Variants in KIAA1217 observed in about 807,000 individuals in gnomAD.
The protein encoded by KIAA1217 is sickle tail protein homolog.
Under a neutral mutation model 163.9 loss-of-function variants are expected in KIAA1217, and 88 were observed. The observed-to-expected ratio is 0.54, with a 90% CI of 0.45 to 0.64. The LOEUF is 0.64. Ranked by LOEUF, KIAA1217 falls within the 30% of genes least tolerant of loss-of-function variation. The pLI, the probability that KIAA1217 is intolerant of heterozygous loss-of-function variation, is 0.00. For missense variants in KIAA1217, 2,372 were observed against 2,475.0 expected (o/e 0.96, Z 0.88); for synonymous variants, 903 against 923.1 (o/e 0.98, Z 0.39).
rs946754539 is a variant in KIAA1217 at position 24,273,783 on chromosome 10, A to G, written c.354+53874A>G. 1.4e-4 allele frequency among the ~76,000 whole-genome samples: 21 copies of G among 150,442 alleles called. 1 individual carries two copies. Among genetic ancestry groups the G allele is most frequent in the Admixed American group, 1.1e-3 (16 of 14,948 alleles). On this transcript the variant is annotated intron_variant, in intron 2 of 20. Coordinates refer to ENST00000376454, the MANE Select transcript of KIAA1217 (RefSeq NM_019590.5). ...CTGGAGAATCGCCTGAGCACACGAG[A>G]TGGAGGTTGCAGTGAGCCGAGATCG...
intron 2 of KIAA1217, among the ~76,000 whole-genome samples, chr10:24,103,081 T>C (rs962172956): frequency 1.3e-5 from 2 of 152,194 alleles, no homozygotes; most frequent in East Asian, 3.9e-4. Flanking sequence ...GAACTGTGAA[T>C]CAATGAAGCC....
intron 2 of KIAA1217, among the ~76,000 whole-genome samples, chr10:24,247,318 T>C (rs1005343873): frequency 6.6e-6 from 1 of 151,720 alleles, no homozygotes; most frequent in African/African-American, 2.4e-5. Flanking sequence ...AGAGGCGGGG[T>C]CTCACTGTGT....
chr10:24,137,999 G>C (rs2063898559), intron 2 of KIAA1217, among the ~76,000 whole-genome samples: 1 of 152,008 alleles, frequency 6.6e-6, no homozygotes, highest in African/African-American at 2.4e-5. Context: ...TTTTAATGTA[G>C]ATTTGAAAAA....
intron 1 of KIAA1217, among the ~76,000 whole-genome samples, chr10:23,960,347 C>A (rs1411826396): frequency 1.3e-5 from 2 of 148,498 alleles, no homozygotes; most frequent in Admixed American, 6.7e-5. Flanking sequence ...CAACCTCTGC[C>A]TCCCAGTTCC....
At chr10:24,149,916 A>G (rs1662972028) in intron 2 of KIAA1217, among the ~76,000 whole-genome samples, 2 of 152,250 alleles carry the variant, frequency 1.3e-5, no homozygotes, top group Admixed American at 1.3e-4. Context: ...AAGGAGCAAT[A>G]AGAACCAGAA....
In KIAA1217 at chr10:24,473,610, A is replaced by G; in HGVS notation, c.1229A>G (p.His410Arg). 6.2e-7 allele frequency: 1 copy of G among 1,614,130 alleles called. No homozygotes were observed. The highest frequency in any genetic ancestry group is 8.5e-7 in the Non-Finnish European group (1 of 1,180,028). The change falls in exon 6 of 21, where the codon CAT (histidine) becomes CGT (arginine). Residue 410 changes from histidine to arginine, a missense_variant. By Grantham distance (29) the His-to-Arg change is conservative. This residue lies in a region of KIAA1217 where 1,431 missense variants were observed against 1,470.3 expected (regional missense o/e 0.97). Transcript: ENST00000376454. Reference sequence around the variant, plus strand: ...GGACGGATGAGCATAGCCTCATCCCATGGTGGACACCCACTGGATGTCCCC... The same window carrying G: ...GGACGGATGAGCATAGCCTCATCCCGTGGTGGACACCCACTGGATGTCCCC... ...HEGRMSIASSHGGHPLDVPDH... is the reference protein window; with the variant it reads ...HEGRMSIASSRGGHPLDVPDH...
chr10:23,844,917 T>G (rs1838948534), intron 1 of KIAA1217, among the ~76,000 whole-genome samples: 1 of 151,994 alleles, frequency 6.6e-6, no homozygotes. Context: ...GGCCCAGGTG[T>G]GTGATGTTCC....
chr10:23,886,251 G>A (rs2131202485), intron 1 of KIAA1217, among the ~76,000 whole-genome samples: 1 of 152,036 alleles, frequency 6.6e-6, no homozygotes, highest in Admixed American at 6.5e-5. Flanking sequence ...CTGTGTGGAT[G>A]TTAACATGGG....
intron 2 of KIAA1217, among the ~76,000 whole-genome samples, chr10:24,167,627 C>T (rs1331218969): frequency 1.3e-5 from 2 of 152,140 alleles, no homozygotes; most frequent in African/African-American, 4.8e-5. Flanking sequence ...GTGAAGAACT[C>T]TGTAGCCTTC....
chr10:23,928,022 G>T (rs1357933430), intron 1 of KIAA1217, among the ~76,000 whole-genome samples: 1 of 152,218 alleles, frequency 6.6e-6, no homozygotes, highest in Non-Finnish European at 1.5e-5. Flanking sequence ...ATCATGGGCT[G>T]CTGGCAGGGT....
intron 2 of KIAA1217, among the ~76,000 whole-genome samples, chr10:24,232,245 A>G (rs559127353): frequency 6.6e-6 from 1 of 152,352 alleles, no homozygotes; most frequent in South Asian, 2.1e-4. Context: ...AAATTGACGT[A>G]CAGTTGACGT....
At chr10:24,519,578 A>G (rs950872705) in intron 10 of KIAA1217, among the ~76,000 whole-genome samples, 19 of 152,082 alleles carry the variant, frequency 1.2e-4, no homozygotes, top group African/African-American at 4.1e-4. Flanking sequence ...CAAGGTTTCT[A>G]CTGGCATCCA....
chr10:23,959,911 CTTTTTTTTTT>C (rs1326171008), intron 1 of KIAA1217, among the ~76,000 whole-genome samples: 4 of 106,266 alleles, frequency 3.8e-5, no homozygotes, highest in Non-Finnish European at 5.7e-5. Flanking sequence ...TCATAGACTT[CTTTTTTTTTT>C]TTTTTTTTTT....
At chr10:23,854,390 A>C (rs1367348216) in intron 1 of KIAA1217, among the ~76,000 whole-genome samples, 2 of 151,790 alleles carry the variant, frequency 1.3e-5, no homozygotes, top group Non-Finnish European at 2.9e-5. Flanking sequence ...AGTTTGTTAT[A>C]ATTTCTGTTC....
At chr10:24,144,845 C>G (rs1476543671) in intron 2 of KIAA1217, among the ~76,000 whole-genome samples, 1 of 152,310 alleles carries the variant, frequency 6.6e-6, no homozygotes, top group South Asian at 2.1e-4. Context: ...AGTATCTCTG[C>G]TTTTCTCTTG....
At chr10:23,927,360 G>GTGTGTGTGT (rs1554825053) in intron 1 of KIAA1217, among the ~76,000 whole-genome samples, 1 of 150,958 alleles carries the variant, frequency 6.6e-6, no homozygotes, top group African/African-American at 2.5e-5. Context: ...GTGTGTGTGT[G>GTGTGTGTGT]GCCAAATGTT....
At chr10:24,530,770 C>T (rs974345720) in intron 14 of KIAA1217, among the ~76,000 whole-genome samples, 4 of 152,164 alleles carry the variant, frequency 2.6e-5, no homozygotes, top group Non-Finnish European at 4.4e-5. Context: ...TGGTGGCACA[C>T]ACCTGCAGTT....
At chr10:24,404,752 A>G (rs750503608) in intron 3 of KIAA1217, among the ~76,000 whole-genome samples, 13 of 152,102 alleles carry the variant, frequency 8.5e-5, no homozygotes, top group Non-Finnish European at 1.9e-4. Flanking sequence ...TCTGTCCTTC[A>G]GTGGGTGAAT....
chr10:24,189,970 G>A (rs898729140), intron 2 of KIAA1217, among the ~76,000 whole-genome samples: 5 of 151,124 alleles, frequency 3.3e-5, no homozygotes, highest in African/African-American at 1.2e-4. Context: ...GCAGTGAGCT[G>A]TGATCATACC....
Sources: allele counts gnomAD v4.1 joint callset (sites outside exome capture counted in the v4.1 genomes callset), GRCh38; gene constraint gnomAD v4.1.1; regional missense constraint gnomAD v4.1.1; transcripts MANE v1.5; gene names NCBI Gene and HGNC (gene_info 2026-07-23, HGNC 2026-07-21).